The following MRTFB variants were observed in gnomAD, a reference collection of about 807,000 sequenced individuals.
MRTFB encodes myocardin-related transcription factor B.
In MRTFB, 29 loss-of-function variants were observed where a neutral mutation model predicts 104.2. That is an observed-to-expected ratio of 0.28 (90% CI 0.21 to 0.38). The LOEUF (loss-of-function observed/expected upper bound fraction) is 0.38, where lower values mean the gene tolerates loss of function less well. Ranked by LOEUF, MRTFB falls within the 10% of genes least tolerant of loss-of-function variation. The pLI, the probability that MRTFB is intolerant of heterozygous loss-of-function variation, is 1.00. For missense variants in MRTFB, 1,270 were observed against 1,341.6 expected (o/e 0.95, Z 0.83); for synonymous variants, 535 against 519.5 (o/e 1.03, Z -0.41).
the MRTFB span, among the ~76,000 whole-genome samples, chr16:14,036,161 TAA>T: frequency 1.3e-4 from 5 of 37,866 alleles, no homozygotes; most frequent in African/African-American, 1.9e-4. Context: ...ATATATTATA[TAA>T]AATATATATT....
At chr16:14,055,372 T>A in the MRTFB span, among the ~76,000 whole-genome samples, 992 of 152,056 alleles carry the variant, frequency 6.5e-3, 20 homozygotes, top group African/African-American at 0.022. Flanking sequence ...GAAGAAGAAG[T>A]AGTTAACGTG....
At chr16:14,197,486 G>C (rs1448721529) in intron 3 of MRTFB, among the ~76,000 whole-genome samples, 2 of 152,174 alleles carry the variant, frequency 1.3e-5, no homozygotes, top group Non-Finnish European at 2.9e-5. Flanking sequence ...GCAATGAAGT[G>C]AAACGGTGTT....
At chr16:14,003,820 G>C in the MRTFB span, among the ~76,000 whole-genome samples, 1 of 152,196 alleles carries the variant, frequency 6.6e-6, no homozygotes, top group Non-Finnish European at 1.5e-5. Flanking sequence ...CTGGATGTGA[G>C]ACGATAGGGA....
At chr16:14,171,025 C>T (rs2039403778) in intron 3 of MRTFB, among the ~76,000 whole-genome samples, 1 of 152,118 alleles carries the variant, frequency 6.6e-6, no homozygotes, top group Admixed American at 6.5e-5. Flanking sequence ...TTTTGATGCT[C>T]AAAGTGTCTC....
chr16:14,206,204 A>G (rs1159834583), intron 3 of MRTFB, among the ~76,000 whole-genome samples: 2 of 152,214 alleles, frequency 1.3e-5, no homozygotes, highest in East Asian at 3.8e-4. Flanking sequence ...CTCTCTGATC[A>G]TTAGAAGAGT....
intron 3 of MRTFB, among the ~76,000 whole-genome samples, chr16:14,182,622 C>T (rs567812041): frequency 3.3e-5 from 5 of 152,258 alleles, no homozygotes; most frequent in African/African-American, 1.2e-4. Flanking sequence ...GCAGAGAAGG[C>T]CTGGGAACAG....
chr16:14,153,087 C>A (rs2038695250), intron 3 of MRTFB: 1 of 151,626 alleles, frequency 6.6e-6, no homozygotes, highest in Admixed American at 6.6e-5. Context: ...TTTAGGTCTC[C>A]TTAGTGGAAA....
chr16:14,107,572 A>T (rs927044934), intron 2 of MRTFB, among the ~76,000 whole-genome samples: 1 of 152,212 alleles, frequency 6.6e-6, no homozygotes, highest in South Asian at 2.1e-4. Flanking sequence ...AATGTACTAG[A>T]TGACAGACTT....
At chr16:14,108,818 A>G (rs1011854031) in intron 2 of MRTFB, among the ~76,000 whole-genome samples, 1 of 152,210 alleles carries the variant, frequency 6.6e-6, no homozygotes, top group Non-Finnish European at 1.5e-5. Context: ...GATAGCAGCA[A>G]CTTCACCAAC....
chr16:14,214,320 G>A (rs551630666), intron 6 of MRTFB, among the ~76,000 whole-genome samples: 2 of 152,138 alleles, frequency 1.3e-5, no homozygotes, highest in African/African-American at 4.8e-5. Flanking sequence ...TTGATTCTGT[G>A]GTAGTCTTGG....
chr16:14,081,008 A>G (rs1028046792), intron 2 of MRTFB, among the ~76,000 whole-genome samples: 4 of 152,172 alleles, frequency 2.6e-5, no homozygotes, highest in Non-Finnish European at 5.9e-5. Context: ...TTTCCTTTGC[A>G]TAAATACCCA....
intron 3 of MRTFB, among the ~76,000 whole-genome samples, chr16:14,197,739 G>A (rs192037954): frequency 1.3e-5 from 2 of 152,250 alleles, no homozygotes; most frequent in Non-Finnish European, 2.9e-5. Context: ...TAGATATCTA[G>A]CGTGCAGTGT....
the MRTFB span, among the ~76,000 whole-genome samples, chr16:14,034,369 T>C: frequency 2.6e-5 from 4 of 152,190 alleles, no homozygotes; most frequent in African/African-American, 7.2e-5. Context: ...ATCCCAGCAC[T>C]TTGGGAGGCC....
intron 15 of MRTFB, among the ~76,000 whole-genome samples, chr16:14,253,805 A>G (rs1413581262): frequency 5.9e-5 from 9 of 152,238 alleles, no homozygotes; most frequent in African/African-American, 1.9e-4. Context: ...CCTTAGTTAC[A>G]GACTCAGCAA....
intron 2 of MRTFB, among the ~76,000 whole-genome samples, chr16:14,116,722 C>G (rs550435855): frequency 1.3e-5 from 2 of 152,096 alleles, no homozygotes; most frequent in Non-Finnish European, 2.9e-5. Flanking sequence ...TTAGCAGCAT[C>G]CCTGGTCTCC....
At chr16:14,147,307 A>C (rs1005665670) in intron 3 of MRTFB, among the ~76,000 whole-genome samples, 1 of 152,228 alleles carries the variant, frequency 6.6e-6, no homozygotes, top group African/African-American at 2.4e-5. Context: ...CGACAACTGC[A>C]AATGAAAATG....
intron 2 of MRTFB, among the ~76,000 whole-genome samples, chr16:14,109,422 G>A (rs2036159720): frequency 6.6e-6 from 1 of 152,162 alleles, no homozygotes; most frequent in African/African-American, 2.4e-5. Context: ...AATAGTATGA[G>A]GATATCAAGA....
intron 3 of MRTFB, among the ~76,000 whole-genome samples, chr16:14,182,376 A>C (rs13333762): frequency 2.0e-3 from 310 of 152,304 alleles, no homozygotes; most frequent in African/African-American, 5.4e-3. Context: ...TTCTCCCTGT[A>C]GGAGAAGGGG....
chr16:14,138,296 T>C (rs2037825283), intron 2 of MRTFB, among the ~76,000 whole-genome samples: 1 of 152,204 alleles, frequency 6.6e-6, no homozygotes, highest in Non-Finnish European at 1.5e-5. Context: ...AGCTAGTCTT[T>C]AGTTTTTTTA....
Sources: gnomAD v4.1 joint callset for allele counts (sites outside exome capture counted in the v4.1 genomes callset) on GRCh38, gnomAD v4.1.1 for gene constraint, MANE v1.5 for transcripts, NCBI Gene and HGNC (gene_info 2026-07-23, HGNC 2026-07-21) for gene names.